The following TP63 variants were observed in gnomAD, a reference collection of about 807,000 sequenced individuals.
TP63 encodes the protein tumor protein 63.
In TP63, 17 loss-of-function variants were observed where a neutral mutation model predicts 82.8. The ratio of observed to expected loss-of-function variants is 0.21; its 90% CI spans 0.14 to 0.31. The LOEUF (loss-of-function observed/expected upper bound fraction) is 0.31. Ranked by LOEUF, TP63 falls within the 10% of genes least tolerant of loss-of-function variation. The probability of loss-of-function intolerance (pLI) is 1.00; values close to 1 mark genes in which losing one functional copy is unlikely to be tolerated. For synonymous variants in TP63, 330 were observed against 321.7 expected (o/e 1.03, Z -0.28); for missense variants, 648 against 895.3 (o/e 0.72, Z 3.52).
intron 4 of TP63, among the ~76,000 whole-genome samples, chr3:189,845,334 G>A (rs983438672): frequency 1.3e-5 from 2 of 152,160 alleles, no homozygotes; most frequent in African/African-American, 4.8e-5. Flanking sequence ...TCCTTGATAG[G>A]TTCTTGGTAA....
intron 10 of TP63, 30 bp downstream of exon 10, chr3:189,873,025 G>A (rs1211261209): frequency 6.2e-7 from 1 of 1,614,064 alleles, no homozygotes; most frequent in Non-Finnish European, 8.5e-7. Context: ...ATTTTAGGAG[G>A]CATGAGTGAG....
At chr3:189,757,863 C>T (rs999189050) in intron 3 of TP63, among the ~76,000 whole-genome samples, 2 of 152,052 alleles carry the variant, frequency 1.3e-5, no homozygotes, top group South Asian at 2.1e-4. Context: ...AAGGCAGTCT[C>T]CCGATAGATA....
intron 3 of TP63, among the ~76,000 whole-genome samples, chr3:189,755,937 T>G (rs1722158098): frequency 6.6e-6 from 1 of 152,160 alleles, no homozygotes; most frequent in Non-Finnish European, 1.5e-5. Context: ...GATAGTAGTT[T>G]TGGCTGGAGG....
At chr3:189,869,182 T>G in intron 8 of TP63, 142 bp from the exon 9 acceptor site, 1 of 705,500 alleles carries the variant, frequency 1.4e-6, no homozygotes. Context: ...CCTCTAATCT[T>G]ACATGTGTTG....
chr3:189,606,488 A>C, the TP63 span, among the ~76,000 whole-genome samples: 1 of 150,224 alleles, frequency 6.7e-6, no homozygotes. Flanking sequence ...ATTGATAGAC[A>C]GCCTTCTAAG....
chr3:189,691,625 C>A (rs1322046651), intron 1 of TP63, among the ~76,000 whole-genome samples: 1 of 152,064 alleles, frequency 6.6e-6, no homozygotes, highest in Non-Finnish European at 1.5e-5. Context: ...GGTTAAGAAA[C>A]GCTGCTTTAA....
At chr3:189,673,418 T>C (rs751420658) in intron 1 of TP63, among the ~76,000 whole-genome samples, 30 of 151,772 alleles carry the variant, frequency 2.0e-4, no homozygotes, top group Non-Finnish European at 4.3e-4. Flanking sequence ...TAAATAAACA[T>C]GCAAAGTAGA....
intron 1 of TP63, among the ~76,000 whole-genome samples, chr3:189,682,554 ATATATATATATATATATATATAT>A (rs1297721310): frequency 3.7e-3 from 29 of 7,786 alleles, no homozygotes; most frequent in South Asian, 8.2e-3. Flanking sequence ...AAAAAAAAAA[ATATATATATATATATATATATAT>A]ATATATATAT....
intron 10 of TP63, among the ~76,000 whole-genome samples, chr3:189,885,413 T>C (rs972015227): frequency 1.3e-5 from 2 of 152,142 alleles, no homozygotes; most frequent in Admixed American, 6.5e-5. Context: ...ATGCAGCAAG[T>C]GTAAATGTAT....
intron 4 of TP63, among the ~76,000 whole-genome samples, chr3:189,843,750 G>A (rs748154878): frequency 5.3e-5 from 8 of 152,154 alleles, no homozygotes; most frequent in Non-Finnish European, 1.0e-4. Flanking sequence ...CAAAAAATCC[G>A]GGGCCAAAGT....
intron 3 of TP63, among the ~76,000 whole-genome samples, chr3:189,761,678 A>G (rs1467980301): frequency 6.6e-6 from 1 of 152,186 alleles, no homozygotes; most frequent in Non-Finnish European, 1.5e-5. Context: ...GTTTTTGGGT[A>G]TCTTTTCAGC....
intron 1 of TP63, among the ~76,000 whole-genome samples, chr3:189,699,101 T>C (rs1401373170): frequency 4.6e-5 from 7 of 152,172 alleles, no homozygotes; most frequent in Non-Finnish European, 1.0e-4. Flanking sequence ...GAAAGATCAA[T>C]TTTCCTGTAA....
intron 12 of TP63, 117 bp from the exon 13 acceptor site, chr3:189,890,672 C>G: frequency 1.2e-6 from 1 of 805,202 alleles, no homozygotes; most frequent in Non-Finnish European, 2.1e-6. Flanking sequence ...CAATCCTCAT[C>G]TCTGATGTGG....
At chr3:189,777,822 GTCTTCTTCT>G (rs1317783097) in intron 3 of TP63, among the ~76,000 whole-genome samples, 2 of 103,110 alleles carry the variant, frequency 1.9e-5, no homozygotes, top group African/African-American at 8.2e-5. Context: ...CAGATGCTGA[GTCTTCTTCT>G]TCTTCTTCTT....
intron 11 of TP63, among the ~76,000 whole-genome samples, chr3:189,887,432 C>A (rs529553675): frequency 6.6e-6 from 1 of 152,206 alleles, no homozygotes; most frequent in South Asian, 2.1e-4. Context: ...TACGAAGGAA[C>A]CTGCCTTTTA....
In TP63 at chr3:189,737,861, C is replaced by T. The variant is rs556286059; in HGVS notation, c.184C>T (p.Leu62=). Residue 62 remains leucine, a synonymous_variant, in exon 2 of 14, where the codon CTG becomes TTG. Coordinates refer to ENST00000264731, the MANE Select transcript of TP63 (RefSeq NM_003722.5). ...PEVFQHIWDF[L]EQPICSVQPI... ...GGTTTTCCAGCATATCTGGGATTTT[C>T]TGGAACAGTAAGTATAAAACAAGCA... The T allele has an allele frequency of 1.2e-6, 2 of 1,613,830 alleles. No individual in the cohort carries two copies. The highest frequency in any genetic ancestry group is 1.1e-5 in the South Asian group (1 of 91,064).
At chr3:189,773,441 A>G (rs911109750) in intron 3 of TP63, among the ~76,000 whole-genome samples, 3 of 152,252 alleles carry the variant, frequency 2.0e-5, no homozygotes, top group African/African-American at 4.8e-5. Flanking sequence ...ACCCTGTTAG[A>G]GATCTCTCTG....
At chr3:189,832,484 T>A (rs1358968694) in intron 4 of TP63, among the ~76,000 whole-genome samples, 1 of 152,186 alleles carries the variant, frequency 6.6e-6, no homozygotes. Context: ...GTTACAACAG[T>A]GACATAGCAA....
At chr3:189,799,217 C>G (rs1353244707) in intron 3 of TP63, among the ~76,000 whole-genome samples, 1 of 152,066 alleles carries the variant, frequency 6.6e-6, no homozygotes, top group Admixed American at 6.6e-5. Context: ...ACTATAATCT[C>G]AGTTCCTTAA....
Sources: gnomAD v4.1 joint callset for allele counts (sites outside exome capture counted in the v4.1 genomes callset) on GRCh38, gnomAD v4.1.1 for gene constraint, MANE v1.5 for transcripts, NCBI Gene and HGNC (gene_info 2026-07-23, HGNC 2026-07-21) for gene names.